KAZN: variants seen among roughly 807,000 people sequenced by gnomAD.
The protein encoded by KAZN is kazrin, periplakin interacting protein, also known as kazrin.
KAZN carries 40 observed loss-of-function variants against 87.4 expected under a neutral mutation model. That is an observed-to-expected ratio of 0.46 (90% confidence interval 0.36 to 0.60). The LOEUF is 0.60. KAZN is among the 20% of genes least tolerant of loss of function. KAZN has a pLI of 0.00. For missense variants in KAZN, 898 were observed against 1,073.9 expected (o/e 0.84, Z 2.29); for synonymous variants, 466 against 458.3 (o/e 1.02, Z -0.22).
intron 2 of KAZN, among the ~76,000 whole-genome samples, chr1:14,246,332 T>TA (rs202018615): frequency 6.8e-6 from 1 of 147,338 alleles, no homozygotes; most frequent in Admixed American, 6.9e-5. Flanking sequence ...AGAACTTAAT[T>TA]AAAAAATATA....
At chr1:15,001,911 C>T (rs1573029104) in intron 2 of KAZN, among the ~76,000 whole-genome samples, 1 of 125,364 alleles carries the variant, frequency 8.0e-6, no homozygotes, top group Non-Finnish European at 1.6e-5. Flanking sequence ...GGTGGAGTCT[C>T]GCTCTGTCGC....
chr1:14,069,802 C>T (rs1401197573), intron 1 of KAZN, among the ~76,000 whole-genome samples: 1 of 152,164 alleles, frequency 6.6e-6, no homozygotes, highest in Admixed American at 6.5e-5. Flanking sequence ...AGCCACAAGA[C>T]AAGGCCATCC....
rs1055412 is a variant in KAZN, at chr1:15,114,779, C to T, written c.*144C>T. The T allele has an allele frequency of 0.62, 485,443 of 777,398 alleles. 153,154 individuals carry two copies. The highest frequency in any genetic ancestry group is 0.75 in the East Asian group (27,330 of 36,446). The allele number at this position is 777,398 out of a possible 1,614,324, so 48.2% of individuals were successfully genotyped here. A position where few individuals can be genotyped will look rare whatever the true frequency, so the allele number is the denominator to read the frequency against. On this transcript the variant is annotated 3_prime_UTR_variant, in exon 15 of 15. Transcript: ENST00000376030. ...CTGGGCAAAATCCCGATGGACTCTG[C>T]GGTTTCAGCTCCACAGCGCCCAGGA...
At chr1:15,036,123 G>T (rs1204186613) in intron 3 of KAZN, among the ~76,000 whole-genome samples, 1 of 151,886 alleles carries the variant, frequency 6.6e-6, no homozygotes, top group Admixed American at 6.6e-5. Context: ...GAGTTCTCTG[G>T]GCCAGGCCAC....
At chr1:14,169,705 C>T (rs146052348) in intron 1 of KAZN, among the ~76,000 whole-genome samples, 4 of 152,156 alleles carry the variant, frequency 2.6e-5, no homozygotes, top group African/African-American at 4.8e-5. Flanking sequence ...AAGTAATGAT[C>T]GGGATAATGA....
chr1:14,306,142 C>T (rs192950000), intron 2 of KAZN, among the ~76,000 whole-genome samples: 6 of 152,252 alleles, frequency 3.9e-5, no homozygotes, highest in African/African-American at 7.2e-5. Flanking sequence ...AATGTGTTGT[C>T]GCATTTTTTG....
In KAZN at chr1:14,473,690, G is replaced by A. The variant is rs563412880; in HGVS notation, c.250-125293G>A. Among the ~76,000 whole-genome samples the A allele has an allele frequency of 2.7e-5, 4 of 150,312 alleles. No individual in the cohort carries two copies. The South Asian group carries it at 6.3e-4, about 24-fold the overall frequency. On this transcript the variant is annotated intron_variant, in intron 2 of 16. Transcript: ENST00000636203. ...AAAAAAACTCTTCATCATCACAGAAGCCTCAACCACTTCTAATCTCATTCT... is the reference window on the plus strand; with the variant it reads ...AAAAAAACTCTTCATCATCACAGAAACCTCAACCACTTCTAATCTCATTCT...
intron 1 of KAZN, among the ~76,000 whole-genome samples, chr1:14,072,494 G>A (rs1029392994): frequency 6.6e-6 from 1 of 152,098 alleles, no homozygotes; most frequent in Non-Finnish European, 1.5e-5. Context: ...AACACTCTGT[G>A]CCTCCACCTA....
intron 1 of KAZN, among the ~76,000 whole-genome samples, chr1:13,996,270 G>T (rs532787268): frequency 1.3e-5 from 2 of 152,156 alleles, no homozygotes; most frequent in Non-Finnish European, 2.9e-5. Context: ...CCCCCGAGCC[G>T]CGCAGATTCT....
intron 1 of KAZN, among the ~76,000 whole-genome samples, chr1:14,094,261 G>A (rs567648842): frequency 2.6e-5 from 4 of 152,192 alleles, no homozygotes; most frequent in South Asian, 2.1e-4. Flanking sequence ...ATCCTCAAAC[G>A]CTGTTGATGA....
At chr1:14,523,623 T>C (rs377038580) in intron 2 of KAZN, among the ~76,000 whole-genome samples, 1 of 152,348 alleles carries the variant, frequency 6.6e-6, no homozygotes. Flanking sequence ...TCACTTTCTC[T>C]CCTAGTTCCA....
chr1:13,965,479 T>C (rs373960820), intron 1 of KAZN, among the ~76,000 whole-genome samples: 17 of 152,306 alleles, frequency 1.1e-4, no homozygotes, highest in African/African-American at 4.1e-4. Flanking sequence ...TGGGTGCTTT[T>C]AATAATTATT....
At chr1:14,418,781 C>T (rs1665061128) in intron 2 of KAZN, among the ~76,000 whole-genome samples, 1 of 152,182 alleles carries the variant, frequency 6.6e-6, no homozygotes, top group Admixed American at 6.5e-5. Flanking sequence ...CCTTCTCCCA[C>T]TCAAAGTCAT....
At chr1:14,989,832 C>T (rs1284613802) in intron 2 of KAZN, among the ~76,000 whole-genome samples, 2 of 152,160 alleles carry the variant, frequency 1.3e-5, no homozygotes, top group Non-Finnish European at 2.9e-5. Context: ...GTTGGAAATC[C>T]ACAGCTGAGC....
At chr1:15,033,550 T>C (rs1671950716) in intron 2 of KAZN, among the ~76,000 whole-genome samples, 1 of 152,242 alleles carries the variant, frequency 6.6e-6, no homozygotes, top group African/African-American at 2.4e-5. Context: ...GCATGAGGAT[T>C]CCAGTTTCTC....
At chr1:14,297,493 G>C (rs1440296004) in intron 2 of KAZN, among the ~76,000 whole-genome samples, 2 of 152,174 alleles carry the variant, frequency 1.3e-5, no homozygotes, top group African/African-American at 4.8e-5. Context: ...AGAGGGCTGA[G>C]AGTGATTTGG....
intron 1 of KAZN, among the ~76,000 whole-genome samples, chr1:14,136,713 C>T (rs1485738371): frequency 6.6e-6 from 1 of 152,136 alleles, no homozygotes; most frequent in East Asian, 1.9e-4. Context: ...CTGCTTGCTG[C>T]CTCCTGGCTT....
chr1:14,499,304 G>A (rs1670113524), intron 2 of KAZN, among the ~76,000 whole-genome samples: 1 of 152,110 alleles, frequency 6.6e-6, no homozygotes, highest in Non-Finnish European at 1.5e-5. Context: ...CCCCATCACT[G>A]CTAAGTGCAC....
rs553611647 is a variant in KAZN, at chr1:14,772,885, C to T, written c.226+173662C>T. Among the ~76,000 whole-genome samples the T allele has an allele frequency of 3.0e-4, 45 of 152,254 alleles. No homozygotes were observed. The Middle Eastern group carries it at 0.01, about 35-fold the overall frequency. Reference sequence around the variant, plus strand: ...GAGAATTTTCCCCCAGAATTTTCCACTGGGGCACACCACATTGGCCTTCTG... The same window carrying T: ...GAGAATTTTCCCCCAGAATTTTCCATTGGGGCACACCACATTGGCCTTCTG... On this transcript the variant is annotated intron_variant, in intron 1 of 14. Coordinates refer to ENST00000376030, the MANE Select transcript of KAZN (RefSeq NM_201628.3).
Sources: allele counts gnomAD v4.1 joint callset (sites outside exome capture counted in the v4.1 genomes callset), GRCh38; gene constraint gnomAD v4.1.1; transcripts MANE v1.5; gene names NCBI Gene and HGNC (gene_info 2026-07-23, HGNC 2026-07-21).